The following AKR1C2 variants were observed in gnomAD, a reference collection of about 807,000 sequenced individuals.
The protein encoded by AKR1C2 is 3-alpha-HSD3.
In AKR1C2, 27 loss-of-function variants were observed where a neutral mutation model predicts 39.8. The ratio of observed to expected loss-of-function variants is 0.68; its 90% CI spans 0.50 to 0.93. AKR1C2 has a LOEUF of 0.93. Among genes scored for constraint, AKR1C2 ranks in the 40% least tolerant of loss-of-function variants. AKR1C2 has a pLI of 0.00. For missense variants in AKR1C2, 263 were observed against 365.1 expected (o/e 0.72, Z 2.28); for synonymous variants, 114 against 137.9 (o/e 0.83, Z 1.22).
At chr10:5,011,952 T>C (rs1354250321) in intron 1 of AKR1C2, among the ~76,000 whole-genome samples, 3 of 152,146 alleles carry the variant, frequency 2.0e-5, no homozygotes, top group African/African-American at 7.2e-5. Flanking sequence ...TGAAGTATAA[T>C]CTAGGTATGA....
At chr10:5,004,756 G>A (rs1274951936), upstream of AKR1C2, 3 of 139,776 alleles carry the variant, frequency 2.1e-5, no homozygotes, top group Non-Finnish European at 1.5e-5. Context: ...TGGAGGTCAG[G>A]TTAAAACAAG....
intron 2 of AKR1C2, among the ~76,000 whole-genome samples, chr10:5,001,291 G>A (rs2854484): frequency 4.3e-4 from 66 of 152,278 alleles, no homozygotes; most frequent in African/African-American, 1.4e-3. Context: ...TGCTGAGCTC[G>A]AAGAGTAAAG....
intron 7 of AKR1C2, among the ~76,000 whole-genome samples, chr10:4,993,893 T>C (rs1353764128): frequency 4.0e-5 from 6 of 151,584 alleles, no homozygotes; most frequent in Non-Finnish European, 8.8e-5. Flanking sequence ...TCCACAGTCT[T>C]TCATAACTTT....
intron 1 of AKR1C2, among the ~76,000 whole-genome samples, chr10:5,014,235 C>T (rs1554775165): frequency 6.6e-6 from 1 of 151,576 alleles, no homozygotes. Context: ...GTATTGTGAG[C>T]CCCAAATACC....
chr10:4,990,044 A>C lies in AKR1C2; in HGVS notation c.930-6T>G, dbSNP rs781991186. On this transcript the variant is annotated splice_region_variant and splice_polypyrimidine_tract_variant and intron_variant, in intron 8 of 8. Coordinates refer to ENST00000380753, the MANE Select transcript of AKR1C2 (RefSeq NM_001393392.1). Reference sequence around the variant, plus strand: ...AATTAGGGGGGCCAGCAAAACTGGAAAGAGAAAAAAAAATGCACACTCTGA... The same window carrying C: ...AATTAGGGGGGCCAGCAAAACTGGACAGAGAAAAAAAAATGCACACTCTGA... The C allele has an allele frequency of 1.1e-5, 17 of 1,598,038 alleles. No homozygotes were observed. The highest frequency in any genetic ancestry group is 1.4e-5 in the Non-Finnish European group (17 of 1,175,322).
intron 7 of AKR1C2, among the ~76,000 whole-genome samples, chr10:4,992,482 A>T (rs1392337358): frequency 2.0e-5 from 3 of 152,172 alleles, no homozygotes; most frequent in Non-Finnish European, 2.9e-5. Flanking sequence ...AAGTGTATAA[A>T]TCCATAGGGA....
intron 5 of AKR1C2, among the ~76,000 whole-genome samples, chr10:4,997,994 T>G (rs1837120138): frequency 6.6e-6 from 1 of 152,202 alleles, no homozygotes; most frequent in Non-Finnish European, 1.5e-5. Flanking sequence ...CAGTCATAGG[T>G]CAGCTCCATG....
chr10:5,008,703 G>T (rs4642971), upstream of AKR1C2, among the ~76,000 whole-genome samples: 2,880 of 152,238 alleles, frequency 0.019, 55 homozygotes, highest in African/African-American at 0.066. Flanking sequence ...GGATGTCCTT[G>T]AGTCATACAT....
At chr10:5,002,610 T>A (rs1272378817) in intron 1 of AKR1C2, among the ~76,000 whole-genome samples, 1 of 152,236 alleles carries the variant, frequency 6.6e-6, no homozygotes, top group East Asian at 1.9e-4. Context: ...CAGTAAAATT[T>A]ACAATTATTG....
At chr10:5,002,288 T>C (rs1837297372) in intron 1 of AKR1C2, among the ~76,000 whole-genome samples, 1 of 152,128 alleles carries the variant, frequency 6.6e-6, no homozygotes, top group Non-Finnish European at 1.5e-5. Context: ...ACCCCACAGT[T>C]TACACAAACA....
intron 2 of AKR1C2, among the ~76,000 whole-genome samples, chr10:5,001,260 A>G (rs1467022966): frequency 6.6e-6 from 1 of 152,210 alleles, no homozygotes; most frequent in African/African-American, 2.4e-5. Context: ...TCTATAGTCT[A>G]TGTTAAACCA....
At chr10:5,007,290 G>A (rs1837425747), upstream of AKR1C2, 1 of 130,754 alleles carries the variant, frequency 7.6e-6, no homozygotes, top group Non-Finnish European at 1.7e-5. Context: ...TGTGAAATTT[G>A]CTTTTACTTT....
At chr10:5,015,291 T>G (rs1234728536) in intron 1 of AKR1C2, 1 of 152,226 alleles carries the variant, frequency 6.6e-6, no homozygotes, top group Non-Finnish European at 1.5e-5. Context: ...ATTATTTTCT[T>G]TCTTTTCTAC....
At chr10:5,010,211 C>T (rs1837489162) in intron 1 of AKR1C2, 1 of 150,916 alleles carries the variant, frequency 6.6e-6, no homozygotes, top group Admixed American at 6.6e-5. Flanking sequence ...GAGCCAGAGC[C>T]CAAAGCGCTC....
intron 7 of AKR1C2, among the ~76,000 whole-genome samples, chr10:4,992,136 C>T (rs1297271504): frequency 6.7e-6 from 1 of 148,614 alleles, no homozygotes; most frequent in Non-Finnish European, 1.5e-5. Context: ...CTGCACAACA[C>T]TGCAGATGAA....
intron 3 of AKR1C2, 171 bp from the exon 4 acceptor site, chr10:4,999,448 G>T: frequency 2.1e-6 from 3 of 1,452,174 alleles, no homozygotes; most frequent in Non-Finnish European, 2.8e-6. Context: ...AATGTCTTCA[G>T]GTGACAGGCT....
chr10:5,014,308 C>G (rs1554775173), intron 1 of AKR1C2, among the ~76,000 whole-genome samples: 2 of 152,162 alleles, frequency 1.3e-5, no homozygotes, highest in Non-Finnish European at 2.9e-5. Flanking sequence ...CTCCTATTGT[C>G]CAGGCTGTCC....
intron 8 of AKR1C2, 94 bp from the exon 9 acceptor site, chr10:4,990,132 G>C (rs1397060674): frequency 6.8e-7 from 1 of 1,471,332 alleles, no homozygotes; most frequent in African/African-American, 1.4e-5. Flanking sequence ...CGCTAGTGTA[G>C]ATGTTAAGAA....
intron 1 of AKR1C2, chr10:5,015,108 T>G (rs1837611025): frequency 6.6e-6 from 1 of 152,182 alleles, no homozygotes; most frequent in South Asian, 2.1e-4. Context: ...TCAGATCTGG[T>G]CGCCTGGAAG....
Sources: allele counts gnomAD v4.1 joint callset (sites outside exome capture counted in the v4.1 genomes callset), GRCh38; gene constraint gnomAD v4.1.1; transcripts MANE v1.5; gene names NCBI Gene and HGNC (gene_info 2026-07-23, HGNC 2026-07-21).